Variants in RPRD2 observed in about 807,000 individuals in gnomAD.
RPRD2 encodes the protein regulation of nuclear pre-mRNA domain containing 2, also known as regulation of nuclear pre-mRNA domain-containing protein 2.
Under a neutral mutation model 104.4 loss-of-function variants are expected in RPRD2, and 12 were observed. The observed-to-expected ratio is 0.11, with a 90% CI of 0.07 to 0.19. The LOEUF (loss-of-function observed/expected upper bound fraction) is 0.19. Among genes scored for constraint, RPRD2 ranks in the 10% least tolerant of loss-of-function variants. The pLI is 1.00. For missense variants in RPRD2, 1,543 were observed against 1,790.1 expected, an observed-to-expected ratio of 0.86 and a Z score of 2.49; for synonymous variants, 714 against 684.9, an observed-to-expected ratio of 1.04 and a Z score of -0.66.
intron 8 of RPRD2, among the ~76,000 whole-genome samples, chr1:150,458,706 C>G (rs369609956): frequency 5.9e-5 from 9 of 152,256 alleles, no homozygotes; most frequent in African/African-American, 2.2e-4. Flanking sequence ...GTTGCGCAAT[C>G]TTGGCTCACT....
In RPRD2 at chr1:150,408,267, C is replaced by T. The variant is rs143039020; in HGVS notation, c.206-9329C>T. Among the ~76,000 whole-genome samples, 12 of 143,758 alleles carry T rather than the reference C, an allele frequency of 8.3e-5. No individual in the cohort carries two copies. The East Asian group carries it at 1.8e-3, about 22-fold the overall frequency. The allele number at this position is 143,758 out of a possible 152,430, so 94.3% of individuals were successfully genotyped here. On this transcript the variant is annotated intron_variant, in intron 1 of 10. Coordinates refer to ENST00000369068, the MANE Select transcript of RPRD2 (RefSeq NM_015203.5). ...GCAACCCCTGCCTCCCAGGTTCAAG[C>T]GATTCTCCTGCCTCAGCCTCCCGAG...
rs782690127 is a variant in RPRD2, at chr1:150,460,180, C to T, written c.1274C>T (p.Ala425Val). The T allele has an allele frequency of 1.2e-6, 2 of 1,613,834 alleles. No individual in the cohort carries two copies. The highest frequency in any genetic ancestry group is 2.2e-5 in the South Asian group (2 of 91,084). The change falls in exon 9 of 11, where the codon GCA (alanine) becomes GTA (valine). Residue 425 changes from alanine to valine, a missense_variant. By Grantham distance (64) the Ala-to-Val change is moderately conservative (BLOSUM62 0). Around this residue, in one of 4 missense-constraint regions of RPRD2, gnomAD observed 572 missense variants for 787.3 expected, o/e 0.73. Coordinates refer to ENST00000369068, the MANE Select transcript of RPRD2 (RefSeq NM_015203.5). ...SCTPVPVTMTATPPLPKPVNT... is the reference protein window; with the variant it reads ...SCTPVPVTMTVTPPLPKPVNT... ...ACCCCAGTGCCTGTGACCATGACAG[C>T]AACTCCACCTCTTCCAAAGCCTGTG...
chr1:150,382,154 G>A (rs1042489781), intron 1 of RPRD2, among the ~76,000 whole-genome samples: 1 of 152,120 alleles, frequency 6.6e-6, no homozygotes, highest in Non-Finnish European at 1.5e-5. Flanking sequence ...GATTAATCCT[G>A]CGTACTCTAT....
rs199811356 is a variant in RPRD2 at position 150,471,098 on chromosome 1, T to A, written c.2150T>A (p.Ile717Asn). The change falls in exon 11 of 11, where the codon ATC (isoleucine) becomes AAC (asparagine). Residue 717 changes from isoleucine to asparagine, a missense_variant. Transcript: ENST00000369068. This position sits in a 1 kb window ranked among gnomAD's most constrained non-coding sequence, Gnocchi z 5.3. Reference sequence around the variant, plus strand: ...CAGCGTGGCCCTACTAGCACCTCAATCGACAACATTGATGGAACCCCTGTA... The same window carrying A: ...CAGCGTGGCCCTACTAGCACCTCAAACGACAACATTGATGGAACCCCTGTA... ...DFQRGPTSTS[I>N]DNIDGTPVRD... The A allele has an allele frequency of 6.3e-5, 101 of 1,613,880 alleles. No homozygotes were observed. The highest frequency in any genetic ancestry group is 8.3e-5 in the Non-Finnish European group (98 of 1,179,850).
chr1:150,401,898 C>T (rs1663050593), intron 1 of RPRD2, among the ~76,000 whole-genome samples: 2 of 151,790 alleles, frequency 1.3e-5, no homozygotes, highest in Admixed American at 1.3e-4. Flanking sequence ...CTGCCTTGGC[C>T]TCCCAAAGTG....
intron 2 of RPRD2, among the ~76,000 whole-genome samples, chr1:150,433,142 C>T (rs1665721682): frequency 1.3e-5 from 2 of 152,008 alleles, no homozygotes; most frequent in African/African-American, 4.8e-5. Context: ...ACTATGTACC[C>T]ATAAAAATTT....
At chr1:150,441,541 GCTA>G (rs1475836896) in intron 3 of RPRD2, 2 of 186,648 alleles carry the variant, frequency 1.1e-5, no homozygotes, top group African/African-American at 7.7e-5. Context: ...GTGATAATCT[GCTA>G]CCATGACCGT....
chr1:150,459,623 C>T lies in RPRD2; in HGVS notation c.1154-437C>T, dbSNP rs1287773973. Reference sequence around the variant, plus strand: ...TTTTTTTTTTTTGAGACGGGAGTCTCGCTTTGTTGCCCAGGCTGGAATGCA... The same window carrying T: ...TTTTTTTTTTTTGAGACGGGAGTCTTGCTTTGTTGCCCAGGCTGGAATGCA... On this transcript the variant is annotated intron_variant, in intron 8 of 10. Transcript: ENST00000369068. 2.0e-5 allele frequency among the ~76,000 whole-genome samples: 3 copies of T among 146,806 alleles called. No homozygotes were observed. The East Asian group carries it at 5.9e-4, about 29-fold the overall frequency.
At position 150,403,944 on chromosome 1, in the gene RPRD2, C is replaced by G. The variant is rs587753426; in HGVS notation, c.206-13652C>G. ...CCACTGCTGCACCTGGCCTCTTTTA[C>G]CCAATGTTTTCTTAAAGCTTACTGT... On this transcript the variant is annotated intron_variant, in intron 1 of 10. Transcript: ENST00000369068. 2.6e-5 allele frequency among the ~76,000 whole-genome samples: 4 copies of G among 152,048 alleles called. No homozygotes were observed. The East Asian group carries it at 7.7e-4, about 29-fold the overall frequency.
intron 1 of RPRD2, among the ~76,000 whole-genome samples, chr1:150,387,876 C>T (rs1661709146): frequency 6.7e-6 from 1 of 149,278 alleles, no homozygotes; most frequent in African/African-American, 2.5e-5. Context: ...AGGCGTGAGC[C>T]ACTGCTCCTG....
At chr1:150,395,497 A>G (rs1662443449) in intron 1 of RPRD2, among the ~76,000 whole-genome samples, 1 of 148,014 alleles carries the variant, frequency 6.8e-6, no homozygotes, top group Non-Finnish European at 1.5e-5. Context: ...TGCTACAGAC[A>G]TGTGTATGCA....
intron 1 of RPRD2, among the ~76,000 whole-genome samples, chr1:150,403,158 C>A (rs782782783): frequency 6.6e-6 from 1 of 152,184 alleles, no homozygotes; most frequent in African/African-American, 2.4e-5. Context: ...CCTTCACCTT[C>A]TTTCTCTACA....
Position 150,373,533 on chromosome 1 carries a change from C to CTTTTTTTTTTT in RPRD2, c.205+8625_205+8635dup, listed in dbSNP as rs56743462. 3.7e-3 allele frequency among the ~76,000 whole-genome samples: 357 copies of CTTTTTTTTTTT among 97,394 alleles called. 50 individuals are homozygous for CTTTTTTTTTTT. The highest frequency in any genetic ancestry group is 0.012 in the African/African-American group (319 of 26,110). The allele number at this position is 97,394 out of a possible 152,430, so 63.9% of individuals were successfully genotyped here. On this transcript the variant is annotated intron_variant, in intron 1 of 10. Transcript: ENST00000369068. ...AGAGGAGGAGAATAATCAAGAATGACTTTTTTTTTTTTTTTTTTTTTAGCT... is the reference window on the plus strand; with the variant it reads ...AGAGGAGGAGAATAATCAAGAATGACTTTTTTTTTTTTTTTTTTTTTTTTTTTTTTTTAGCT...
intron 3 of RPRD2, 107 bp from the exon 4 acceptor site, chr1:150,441,772 AAC>A (rs1230656948): frequency 1.5e-5 from 9 of 605,386 alleles, no homozygotes; most frequent in Non-Finnish European, 2.6e-5. Context: ...AGAAAGAAAC[AAC>A]ACACAGTCTC....
chr1:150,460,057 C>T lies in RPRD2; in HGVS notation c.1154-3C>T. 6.2e-7 allele frequency: 1 copy of T among 1,611,828 alleles called. No individual in the cohort carries two copies. The highest frequency in any genetic ancestry group is 8.5e-7 in the Non-Finnish European group (1 of 1,178,574). On this transcript the variant is annotated splice_region_variant and splice_polypyrimidine_tract_variant and intron_variant, in intron 8 of 10. Coordinates refer to ENST00000369068, the MANE Select transcript of RPRD2 (RefSeq NM_015203.5). ...GTAATATCTCTTTTCTTTGTTGAAA[C>T]AGTCGAGGACAGGAAGGAAAAACCT...
Position 150,364,399 on chromosome 1 carries a change from A to G in RPRD2, c.-316A>G, listed in dbSNP as rs745800535. ...TAGTTTCGGCGTCAGGCGTTTTGAAAGGCTTTGCAGGTCCTGTTTTCTGCG... is the reference window on the plus strand; with the variant it reads ...TAGTTTCGGCGTCAGGCGTTTTGAAGGGCTTTGCAGGTCCTGTTTTCTGCG... On this transcript the variant is annotated 5_prime_UTR_variant, in exon 1 of 11. Transcript: ENST00000369068. Among the ~76,000 whole-genome samples the G allele has an allele frequency of 6.1e-4, 93 of 152,026 alleles. No individual in the cohort carries two copies. Among genetic ancestry groups the G allele is most frequent in the Non-Finnish European group, 1.2e-3 (80 of 68,002 alleles).
chr1:150,451,721 G>T (rs1667191296), intron 7 of RPRD2, among the ~76,000 whole-genome samples: 1 of 150,838 alleles, frequency 6.6e-6, no homozygotes. Flanking sequence ...ATGTGTTGAA[G>T]CCCTAACCTT....
At chr1:150,452,219 T>C (rs868994475) in intron 7 of RPRD2, among the ~76,000 whole-genome samples, 1 of 149,746 alleles carries the variant, frequency 6.7e-6, no homozygotes, top group Non-Finnish European at 1.5e-5. Context: ...TGTGACAGCA[T>C]AGGCAGATAT....
At chr1:150,373,533 C>CTTGTTTTTTTTTTTT (rs1660476955) in intron 1 of RPRD2, among the ~76,000 whole-genome samples, 1 of 97,420 alleles carries the variant, frequency 1.0e-5, no homozygotes, top group African/African-American at 3.8e-5. Flanking sequence ...TCAAGAATGA[C>CTTGTTTTTTTTTTTT]TTTTTTTTTT....
Sources: allele counts gnomAD v4.1 joint callset (sites outside exome capture counted in the v4.1 genomes callset), GRCh38; gene constraint gnomAD v4.1.1; regional missense constraint gnomAD v4.1.1; non-coding constraint Gnocchi (gnomAD v3.1); transcripts MANE v1.5; gene names NCBI Gene and HGNC (gene_info 2026-07-23, HGNC 2026-07-21).